DDAH1: variants seen among roughly 807,000 people sequenced by gnomAD.
DDAH1 encodes dimethylarginine dimethylaminohydrolase 1, also known as N(G),N(G)-dimethylarginine dimethylaminohydrolase 1.
In DDAH1, 19 loss-of-function variants were observed where a neutral mutation model predicts 28.8. The observed-to-expected ratio is 0.66, with a 90% confidence interval of 0.46 to 0.97. The LOEUF (loss-of-function observed/expected upper bound fraction) is 0.97, where lower values mean the gene tolerates loss of function less well. Among genes scored for constraint, DDAH1 ranks in the 50% least tolerant of loss-of-function variants. The probability of loss-of-function intolerance (pLI) is 0.00; values close to 1 mark genes in which losing one functional copy is unlikely to be tolerated. For missense variants in DDAH1, 326 were observed against 375.9 expected (o/e 0.87, Z 1.10); for synonymous variants, 153 against 154.4 (o/e 0.99, Z 0.07).
chr1:85,368,240 C>T (rs1471481551), intron 1 of DDAH1, among the ~76,000 whole-genome samples: 1 of 152,158 alleles, frequency 6.6e-6, no homozygotes, highest in Non-Finnish European at 1.5e-5. Flanking sequence ...AATATTTCAA[C>T]ACTCTTCATC....
chr1:85,320,601 AAGAC>A lies in DDAH1; in HGVS notation c.*847_*850del, dbSNP rs1023620152. On this transcript the variant is annotated 3_prime_UTR_variant, in exon 6 of 6. Coordinates refer to ENST00000284031, the MANE Select transcript of DDAH1 (RefSeq NM_012137.4). ...ATGGTATGTGACTTAAAGACTTTCTAAGACATTGTACCCATGGGATGTTTCCAAG... is the reference window on the plus strand; with the variant it reads ...ATGGTATGTGACTTAAAGACTTTCTAATTGTACCCATGGGATGTTTCCAAG... 7.2e-5 allele frequency: 11 copies of A among 152,130 alleles called. No homozygotes were observed. The highest frequency in any genetic ancestry group is 2.7e-4 in the African/African-American group (11 of 41,434). The allele number at this position is 152,130 out of a possible 1,614,324, so 9.4% of individuals were successfully genotyped here. A position where few individuals can be genotyped will look rare whatever the true frequency, so the allele number is the denominator to read the frequency against.
At chr1:85,441,144 T>C (rs933396773) in intron 1 of DDAH1, among the ~76,000 whole-genome samples, 3 of 152,218 alleles carry the variant, frequency 2.0e-5, no homozygotes, top group African/African-American at 7.2e-5. Context: ...CTCAATAGGA[T>C]AGCAATACTC....
At chr1:85,454,458 C>G (rs1007543395) in intron 1 of DDAH1, among the ~76,000 whole-genome samples, 2 of 152,158 alleles carry the variant, frequency 1.3e-5, no homozygotes, top group African/African-American at 4.8e-5. Context: ...GGCCATGATT[C>G]CCAGGACCCA....
chr1:85,466,185 G>A (rs1249337045), upstream of DDAH1, among the ~76,000 whole-genome samples: 1 of 152,168 alleles, frequency 6.6e-6, no homozygotes, highest in African/African-American at 2.4e-5. Flanking sequence ...CTCCCACAAG[G>A]GTGGTGTGAA....
chr1:85,487,573 G>T (rs1279485498), intron 2 of DDAH1, among the ~76,000 whole-genome samples: 2 of 152,020 alleles, frequency 1.3e-5, no homozygotes, highest in African/African-American at 4.8e-5. Flanking sequence ...GTTATTAAAT[G>T]TTTTTGTTTT....
chr1:85,351,052 G>T (rs893932636), intron 3 of DDAH1, among the ~76,000 whole-genome samples: 3 of 150,964 alleles, frequency 2.0e-5, no homozygotes, highest in Non-Finnish European at 4.4e-5. Context: ...AGTCAATTGG[G>T]TTTCCAAGTT....
At chr1:85,380,121 C>G (rs904637798) in intron 1 of DDAH1, among the ~76,000 whole-genome samples, 130 of 152,142 alleles carry the variant, frequency 8.5e-4, no homozygotes, top group Non-Finnish European at 9.1e-4. Flanking sequence ...CTCCTTGAAG[C>G]CTTATACAAT....
At chr1:85,365,218 C>T (rs780764926) in intron 1 of DDAH1, among the ~76,000 whole-genome samples, 7 of 152,168 alleles carry the variant, frequency 4.6e-5, no homozygotes, top group Non-Finnish European at 1.0e-4. Flanking sequence ...CTTAGCTTTG[C>T]TCTTAAGTTT....
chr1:85,399,093 T>C (rs1295130088), intron 1 of DDAH1: 1 of 152,224 alleles, frequency 6.6e-6, no homozygotes, highest in Non-Finnish European at 1.5e-5. Flanking sequence ...TACCCATAGA[T>C]ATAATGAGTA....
At position 85,366,705 on chromosome 1, in the gene DDAH1, A is replaced by T. The variant is rs529904700; in HGVS notation, c.304-7858T>A. Among the ~76,000 whole-genome samples the T allele has an allele frequency of 5.3e-5, 8 of 152,296 alleles. No individual in the cohort carries two copies. The South Asian group carries it at 1.7e-3, about 32-fold the overall frequency. ...AATCCAATCAGAGGCAAGAGGCTGG[A>T]TATATGAATGCAGACAAGATAGGGC... On this transcript the variant is annotated intron_variant, in intron 1 of 5. Transcript: ENST00000284031.
chr1:85,490,527 A>G (rs1328120631), intron 2 of DDAH1, among the ~76,000 whole-genome samples: 2 of 152,208 alleles, frequency 1.3e-5, no homozygotes, highest in Non-Finnish European at 2.9e-5. Flanking sequence ...CATTCACTAT[A>G]CAATCCAATT....
rs1157977083 is a variant in DDAH1, at chr1:85,464,754, G to C, written c.292C>G (p.Arg98Gly). The C allele has an allele frequency of 2.6e-6, 4 of 1,547,914 alleles. No individual in the cohort carries two copies. The Admixed American group carries it at 5.5e-5, about 21-fold the overall frequency. The change falls in exon 1 of 6, where the codon CGG becomes GGG. Residue 98 changes from arginine (R) to glycine (G), a missense_variant. By Grantham distance (125) the Arg-to-Gly change is moderately radical. Transcript: ENST00000284031. This position sits in a 1 kb window ranked among gnomAD's most constrained non-coding sequence, Gnocchi z 4.4. ...ALITRPGAPS[R>G]RKEVDMMKEA... ...GAGTCGGCAGTTACCTCCTTCCTCC[G>C]GCTCGGCGCCCCGGGTCGGGTGATG... is the stretch of plus-strand genomic sequence containing the variant.
intron 1 of DDAH1, among the ~76,000 whole-genome samples, chr1:85,408,012 T>C (rs939803355): frequency 1.1e-4 from 17 of 152,164 alleles, no homozygotes; most frequent in African/African-American, 4.1e-4. Context: ...GGTATTCAAA[T>C]CAAGTGCAGG....
Position 85,464,086 on chromosome 1 carries a change from C to T in DDAH1, c.303+657G>A, listed in dbSNP as rs184222284. On this transcript the variant is annotated intron_variant, in intron 1 of 5. Transcript: ENST00000284031. The surrounding 1 kb of genome is among the most constrained non-coding windows in gnomAD (Gnocchi z 4.4). ...TTAAACACGCTCGCTAGCACACACA[C>T]CCAACACCGCACAGAGTACAGCTTT... Among the ~76,000 whole-genome samples, 8 of 152,336 alleles carry T rather than the reference C, an allele frequency of 5.3e-5. No homozygotes were observed. The highest frequency in any genetic ancestry group is 3.3e-4 in the Admixed American group (5 of 15,310).
At chr1:85,400,261 G>A (rs943823503) in intron 1 of DDAH1, among the ~76,000 whole-genome samples, 3 of 125,650 alleles carry the variant, frequency 2.4e-5, no homozygotes, top group African/African-American at 3.0e-5. Context: ...GTGCAATCTC[G>A]ACTCACTGCA....
intron 1 of DDAH1, among the ~76,000 whole-genome samples, chr1:85,381,446 G>A (rs1033170413): frequency 1.3e-4 from 20 of 151,482 alleles, no homozygotes; most frequent in Admixed American, 6.6e-5. Context: ...ACCTGTCACC[G>A]AGAAGTATAC....
At chr1:85,402,734 C>G (rs1198175366) in intron 1 of DDAH1, among the ~76,000 whole-genome samples, 1 of 151,854 alleles carries the variant, frequency 6.6e-6, no homozygotes, top group African/African-American at 2.4e-5. Context: ...ATGGTGAAAC[C>G]CCGTCTCTAC....
At chr1:85,452,824 T>C (rs1294264800) in intron 1 of DDAH1, among the ~76,000 whole-genome samples, 1 of 152,106 alleles carries the variant, frequency 6.6e-6, no homozygotes, top group Non-Finnish European at 1.5e-5. Flanking sequence ...AAAGGCACAA[T>C]TCATTAAAGC....
intron 1 of DDAH1, among the ~76,000 whole-genome samples, chr1:85,392,000 AT>A (rs1006444283): frequency 3.3e-5 from 5 of 150,904 alleles, no homozygotes; most frequent in Admixed American, 6.6e-5. Context: ...ATTTTTTTTA[AT>A]TTTTTTTTCA....
Sources: allele counts gnomAD v4.1 joint callset (sites outside exome capture counted in the v4.1 genomes callset), GRCh38; gene constraint gnomAD v4.1.1; non-coding constraint Gnocchi (gnomAD v3.1); transcripts MANE v1.5; gene names NCBI Gene and HGNC (gene_info 2026-07-23, HGNC 2026-07-21).